MBNL2: variants seen among roughly 807,000 people sequenced by gnomAD.
MBNL2 encodes the protein muscleblind-like protein 2.
A neutral mutation model predicts 41.9 loss-of-function variants in MBNL2; 17 were observed. That is an observed-to-expected ratio of 0.41 (90% CI 0.28 to 0.61). The LOEUF is 0.61. MBNL2 is among the 20% of genes least tolerant of loss of function. The pLI is 0.35. For synonymous variants in MBNL2, 195 were observed against 182.9 expected (o/e 1.07, Z -0.53); for missense variants, 336 against 505.6 (o/e 0.66, Z 3.22).
At chr13:97,151,944 C>T in the MBNL2 span, among the ~76,000 whole-genome samples, 1 of 152,164 alleles carries the variant, frequency 6.6e-6, no homozygotes, top group Non-Finnish European at 1.5e-5. Flanking sequence ...CTACAAAGAT[C>T]TTCCAACAGC....
chr13:97,226,553 G>A (rs1281796772), intron 1 of MBNL2, among the ~76,000 whole-genome samples: 2 of 152,128 alleles, frequency 1.3e-5, no homozygotes, highest in African/African-American at 4.8e-5. Flanking sequence ...AACTTTATTG[G>A]CTAATATTAA....
At chr13:97,283,443 TG>T (rs1349063589) in intron 2 of MBNL2, among the ~76,000 whole-genome samples, 4 of 152,140 alleles carry the variant, frequency 2.6e-5, no homozygotes, top group African/African-American at 9.7e-5. Context: ...CCCCCACCCC[TG>T]GGTGCCTTGT....
intron 3 of MBNL2, among the ~76,000 whole-genome samples, chr13:97,342,529 T>C (rs1020807830): frequency 2.0e-5 from 3 of 152,136 alleles, no homozygotes; most frequent in South Asian, 2.1e-4. Context: ...TACTGGTGAG[T>C]CTGGACAAAA....
intron 1 of MBNL2, among the ~76,000 whole-genome samples, chr13:97,236,590 T>C (rs2043321083): frequency 6.6e-6 from 1 of 152,154 alleles, no homozygotes; most frequent in African/African-American, 2.4e-5. Flanking sequence ...AAGATAAAGT[T>C]CGTGGGAAGG....
rs1415324658 is a variant in MBNL2 at position 97,392,190 on chromosome 13, C to T, written c.*741C>T. On this transcript the variant is annotated 3_prime_UTR_variant, in exon 9 of 9. Transcript: ENST00000679496. ...GCTTGACAAGATTGAGAGGCCCATGCCAACAGTCTAATCTAAGAGATTAGT... is the reference window on the plus strand; with the variant it reads ...GCTTGACAAGATTGAGAGGCCCATGTCAACAGTCTAATCTAAGAGATTAGT... The T allele has an allele frequency of 6.6e-6, 1 of 152,548 alleles. No homozygotes were observed. Among genetic ancestry groups the T allele is most frequent in the Non-Finnish European group, 1.5e-5 (1 of 68,006 alleles). The allele number at this position is 152,548 out of a possible 1,614,324, so 9.4% of individuals were successfully genotyped here. A position where few individuals can be genotyped will look rare whatever the true frequency, so the allele number is the denominator to read the frequency against.
intron 8 of MBNL2, among the ~76,000 whole-genome samples, chr13:97,390,365 T>C (rs959964866): frequency 2.0e-5 from 3 of 152,202 alleles, no homozygotes; most frequent in Admixed American, 2.0e-4. Context: ...TTGTTGGGAA[T>C]TGAATCCTAG....
chr13:97,202,931 TG>T, the MBNL2 span, among the ~76,000 whole-genome samples: 2 of 152,184 alleles, frequency 1.3e-5, no homozygotes, highest in Admixed American at 1.3e-4. Context: ...TTTTGTTTAT[TG>T]CGAAAGGAAT....
chr13:97,340,253 A>G (rs1400495196), intron 3 of MBNL2, among the ~76,000 whole-genome samples: 4 of 152,242 alleles, frequency 2.6e-5, no homozygotes, highest in Non-Finnish European at 5.9e-5. Context: ...ATCAACTTCA[A>G]TGAAAAACAT....
chr13:97,327,192 G>A (rs551363686), intron 2 of MBNL2, among the ~76,000 whole-genome samples: 9 of 152,250 alleles, frequency 5.9e-5, no homozygotes, highest in Non-Finnish European at 1.2e-4. Flanking sequence ...TGTACACTGT[G>A]GGTACTTAAT....
chr13:97,323,528 A>G lies in MBNL2; in HGVS notation c.175-10748A>G, dbSNP rs568564580. On this transcript the variant is annotated intron_variant, in intron 2 of 8. Coordinates refer to ENST00000679496, the MANE Select transcript of MBNL2 (RefSeq NM_001382683.1). ...CACTTTGTATTAGGTGTTATAAGTA[A>G]TCTAGAGATGATTTAAAGTATATAG... is the stretch of plus-strand genomic sequence containing the variant. Among the ~76,000 whole-genome samples the G allele has an allele frequency of 6.6e-5, 10 of 152,326 alleles. No individual in the cohort carries two copies. The East Asian group carries it at 1.9e-3, about 29-fold the overall frequency.
At chr13:97,231,418 G>A (rs1022561305) in intron 1 of MBNL2, among the ~76,000 whole-genome samples, 1 of 152,200 alleles carries the variant, frequency 6.6e-6, no homozygotes, top group Non-Finnish European at 1.5e-5. Flanking sequence ...TAGCTGCTTT[G>A]GAAGTGTCAC....
rs145603015 is a variant in MBNL2 at position 97,385,954 on chromosome 13, G to A, written c.1049-5368G>A. ...CACCCTGTTCAGCTCTTTTTTGAGC[G>A]CACATCATGAGTGACAGGTATGGAT... On this transcript the variant is annotated intron_variant, in intron 8 of 8. Coordinates refer to ENST00000679496, the MANE Select transcript of MBNL2 (RefSeq NM_001382683.1). Among the ~76,000 whole-genome samples the A allele has an allele frequency of 2.4e-3, 371 of 152,278 alleles. 1 individual carries two copies. Among genetic ancestry groups the A allele is most frequent in the African/African-American group, 8.6e-3 (357 of 41,572 alleles).
At chr13:97,155,083 C>T in the MBNL2 span, among the ~76,000 whole-genome samples, 6 of 152,074 alleles carry the variant, frequency 3.9e-5, no homozygotes, top group South Asian at 2.1e-4. Flanking sequence ...TGGGAGACCA[C>T]GCTTTTTAAA....
chr13:97,281,142 A>G (rs2053320804), intron 2 of MBNL2, among the ~76,000 whole-genome samples: 1 of 152,168 alleles, frequency 6.6e-6, no homozygotes. Flanking sequence ...TATTTGTTGA[A>G]TTGCATGTTC....
chr13:97,147,954 G>A, the MBNL2 span, among the ~76,000 whole-genome samples: 3 of 152,192 alleles, frequency 2.0e-5, no homozygotes, highest in Admixed American at 1.3e-4. Flanking sequence ...TGGCAGCAAA[G>A]GGAGGCAACT....
Position 97,357,645 on chromosome 13 carries a change from C to G in MBNL2, c.1012+10C>G. The G allele has an allele frequency of 6.2e-7, 1 of 1,613,264 alleles. No homozygotes were observed. Among genetic ancestry groups the G allele is most frequent in the Non-Finnish European group, 8.5e-7 (1 of 1,179,638 alleles). On this transcript the variant is annotated intron_variant, in intron 7 of 8. Coordinates refer to ENST00000679496, the MANE Select transcript of MBNL2 (RefSeq NM_001382683.1). ...GCGTTCATTCCAACAGGTATGTGCC[C>G]TTACTGCCCTACGTCCTGTGCCCTT...
chr13:97,373,226 C>T (rs959399504), intron 8 of MBNL2, among the ~76,000 whole-genome samples: 2 of 152,172 alleles, frequency 1.3e-5, no homozygotes, highest in Non-Finnish European at 2.9e-5. Flanking sequence ...CCCTTGTAAA[C>T]AGTAATCAGG....
rs1170921526 is a variant in MBNL2, at chr13:97,392,827, T to G, written c.*1378T>G. 1 of 152,478 alleles carries G rather than the reference T, an allele frequency of 6.6e-6. No homozygotes were observed. Among genetic ancestry groups the G allele is most frequent in the Admixed American group, 6.6e-5 (1 of 15,256 alleles). The allele number at this position is 152,478 out of a possible 1,614,324, so 9.4% of individuals were successfully genotyped here. A position where few individuals can be genotyped will look rare whatever the true frequency, so the allele number is the denominator to read the frequency against. On this transcript the variant is annotated 3_prime_UTR_variant, in exon 9 of 9. Transcript: ENST00000679496. ...ACAAAACAGCTGTTATAAATGAATATTATGTGTAATTGTTTCAAACATCCA... is the reference window on the plus strand; with the variant it reads ...ACAAAACAGCTGTTATAAATGAATAGTATGTGTAATTGTTTCAAACATCCA...
intron 2 of MBNL2, among the ~76,000 whole-genome samples, chr13:97,329,662 AG>A (rs374286428): frequency 0.17 from 34 of 206 alleles, no homozygotes; most frequent in East Asian, 0.5. Context: ...ACACACATGC[AG>A]CACACATACA....
Sources: gnomAD v4.1 joint callset for allele counts (sites outside exome capture counted in the v4.1 genomes callset) on GRCh38, gnomAD v4.1.1 for gene constraint, MANE v1.5 for transcripts, NCBI Gene and HGNC (gene_info 2026-07-23, HGNC 2026-07-21) for gene names.